COL4A6: variants seen among roughly 807,000 people sequenced by gnomAD.
COL4A6 encodes the protein collagen alpha-6(IV) chain.
In COL4A6, 59 loss-of-function variants were observed where a neutral mutation model predicts 126.7. The observed-to-expected ratio is 0.47, with a 90% CI of 0.38 to 0.58. The LOEUF (loss-of-function observed/expected upper bound fraction) is 0.58, where lower values mean the gene tolerates loss of function less well. Ranked by LOEUF, COL4A6 falls within the 20% of genes least tolerant of loss-of-function variation. The pLI, the probability that COL4A6 is intolerant of heterozygous loss-of-function variation, is 0.00. For missense variants in COL4A6, 1,285 were observed against 1,337.3 expected (o/e 0.96, Z 0.61); for synonymous variants, 547 against 496.6 (o/e 1.10, Z -1.35).
At chrX:108,243,349 T>C (rs2036627051) in intron 3 of COL4A6, among the ~76,000 whole-genome samples, 1 of 111,005 alleles carries the variant, frequency 9.0e-6, no homozygotes, top group African/African-American at 3.3e-5. Context: ...AAGGAGGTGA[T>C]TAAGGTTAAG....
At chrX:108,241,798 A>G (rs2036579982) in intron 3 of COL4A6, among the ~76,000 whole-genome samples, 1 of 109,265 alleles carries the variant, frequency 9.2e-6, no homozygotes, top group East Asian at 2.8e-4. Context: ...TCTTAAAAAA[A>G]CTTTCTATTT....
chrX:108,172,657 G>T (rs768147484), intron 31 of COL4A6, 125 bp from the exon 32 acceptor site: 24 of 493,520 alleles, frequency 4.9e-5, no homozygotes, highest in Non-Finnish European at 7.1e-5. Context: ...GGCAAGGGTG[G>T]ACTGTGGGCT....
chrX:108,438,554 G>A, upstream of COL4A6: 2 of 718,596 alleles, frequency 2.8e-6, no homozygotes, highest in East Asian at 4.5e-5. Flanking sequence ...ACAGCCCTAA[G>A]TATCTCCACA....
chrX:108,438,602 AC>A (rs1274313855), upstream of COL4A6, among the ~76,000 whole-genome samples: 6 of 112,324 alleles, frequency 5.3e-5, no homozygotes, highest in Non-Finnish European at 1.1e-4. Context: ...ATACGCTAAG[AC>A]CTAAGCAACT....
At chrX:108,288,742 T>C (rs1346356753) in intron 3 of COL4A6, among the ~76,000 whole-genome samples, 1 of 111,159 alleles carries the variant, frequency 9.0e-6, no homozygotes, top group Non-Finnish European at 1.9e-5. Context: ...TAAAGAAGCT[T>C]CTCCTGGAAC....
chrX:108,439,215 A>G (rs761564757), upstream of COL4A6: 13 of 253,697 alleles, frequency 5.1e-5, 1 homozygote, highest in Admixed American at 8.1e-4. Flanking sequence ...TAATTATAGG[A>G]TTCAATGCAG....
At chrX:108,244,160 A>G (rs976223850) in intron 3 of COL4A6, among the ~76,000 whole-genome samples, 9 of 104,972 alleles carry the variant, frequency 8.6e-5, no homozygotes, top group Non-Finnish European at 1.7e-4. Context: ...TAAGAGAGCT[A>G]TCACTCTTCT....
intron 3 of COL4A6, among the ~76,000 whole-genome samples, chrX:108,221,732 A>G (rs2036023984): frequency 8.9e-6 from 1 of 112,598 alleles, no homozygotes; most frequent in Admixed American, 9.3e-5. Context: ...AGCGCTGGAG[A>G]GCATCATGAC....
At chrX:108,177,590 T>G (rs2034539818) in intron 27 of COL4A6, among the ~76,000 whole-genome samples, 1 of 112,145 alleles carries the variant, frequency 8.9e-6, no homozygotes, top group Admixed American at 9.5e-5. Flanking sequence ...CCATTTGGTC[T>G]CCTAGGTATT....
intron 2 of COL4A6, among the ~76,000 whole-genome samples, chrX:108,312,003 C>G (rs1272867548): frequency 8.9e-6 from 1 of 111,974 alleles, no homozygotes; most frequent in Admixed American, 9.5e-5. Flanking sequence ...TACAAGGACT[C>G]AACAATGAGA....
chrX:108,383,570 A>T, intron 2 of COL4A6: 1 of 473,472 alleles, frequency 2.1e-6, no homozygotes, highest in Non-Finnish European at 3.8e-6. Context: ...CTCTGCAACG[A>T]ATGCGAGGCG....
rs192977588 is a variant in COL4A6, at chrX:108,180,686, T to C, written c.2024-64A>G. The C allele has an allele frequency of 8.0e-4, 752 of 940,474 alleles. 9 individuals are homozygous for C. In the East Asian group the frequency reaches 0.021, roughly 26 times the overall value. 77.5% of individuals were successfully genotyped at this position (940,474 alleles called of 1,213,427 possible). A position where few individuals can be genotyped will look rare whatever the true frequency, so the allele number is the denominator to read the frequency against. On this transcript the variant is annotated intron_variant, in intron 24 of 44. Transcript: ENST00000334504. ...TCGGTGTGCTAGGTATGATTTGTGA[T>C]GTTCAGTCAAGAATCCCAGTCTCTT...
chrX:108,400,272 G>A (rs1427403200), intron 2 of COL4A6, among the ~76,000 whole-genome samples: 1 of 110,369 alleles, frequency 9.1e-6, no homozygotes, highest in African/African-American at 3.3e-5. Flanking sequence ...CTCTCTCCTC[G>A]CTCTTTCAGA....
Position 108,157,098 on chromosome X carries a change from TCTC to T in COL4A6, c.4972_4974del (p.Glu1658del), listed in dbSNP as rs1227004509. 11 of 1,209,839 alleles carry T rather than the reference TCTC, an allele frequency of 9.1e-6. No homozygotes were observed. The highest frequency in any genetic ancestry group is 1.2e-5 in the Non-Finnish European group (11 of 895,118). ...ACAGGCAACTCCCCAAACTGCTGCC[TCTC>T]CTCCACTGTGGTCAACCAGAAACTG... On this transcript the variant is annotated inframe_deletion, in exon 45 of 45. Coordinates refer to ENST00000334504, the MANE Select transcript of COL4A6 (RefSeq NM_033641.4).
intron 3 of COL4A6, among the ~76,000 whole-genome samples, chrX:108,306,618 T>C (rs1261271042): frequency 8.9e-6 from 1 of 111,750 alleles, no homozygotes; most frequent in East Asian, 2.8e-4. Context: ...TTAATGCATC[T>C]AGGTTCTGGA....
chrX:108,196,610 C>T (rs985963102), intron 13 of COL4A6, 31 bp from the exon 14 acceptor site: 16 of 1,120,761 alleles, frequency 1.4e-5, no homozygotes, highest in Non-Finnish European at 1.8e-5. Flanking sequence ...CAAGTTATAA[C>T]GTTTGTTTTC....
chrX:108,350,623 G>T (rs527877735), intron 2 of COL4A6, among the ~76,000 whole-genome samples: 1 of 111,693 alleles, frequency 9.0e-6, no homozygotes. Flanking sequence ...CATGGGTAGT[G>T]ACAATATAAG....
chrX:108,239,041 T>C (rs1048753775), intron 3 of COL4A6, among the ~76,000 whole-genome samples: 3 of 112,310 alleles, frequency 2.7e-5, no homozygotes, highest in Non-Finnish European at 5.6e-5. Flanking sequence ...ATTTTAACAA[T>C]TGTGTCTTCT....
At chrX:108,183,848 G>C in intron 23 of COL4A6, 1 of 568,887 alleles carries the variant, frequency 1.8e-6, no homozygotes, top group Non-Finnish European at 2.4e-6. Context: ...CTTCTCAGCA[G>C]CCCAGATATG....
Sources: allele counts gnomAD v4.1 joint callset (sites outside exome capture counted in the v4.1 genomes callset), GRCh38; gene constraint gnomAD v4.1.1; transcripts MANE v1.5; gene names NCBI Gene and HGNC (gene_info 2026-07-23, HGNC 2026-07-21).